Variants in CA10 observed in about 807,000 individuals in gnomAD.
CA10 encodes carbonic anhydrase 10 (inactive), also known as carbonic anhydrase-related protein 10.
In CA10, 14 loss-of-function variants were observed where a neutral mutation model predicts 44.2. The observed-to-expected ratio is 0.32, with a 90% CI of 0.21 to 0.50. The LOEUF is 0.50. Ranked by LOEUF, CA10 falls within the 20% of genes least tolerant of loss-of-function variation. The pLI is 0.99. For synonymous variants in CA10, 159 were observed against 141.6 expected (o/e 1.12, Z -0.87); for missense variants, 350 against 409.7 (o/e 0.85, Z 1.26).
chr17:52,038,772 T>A (rs1986688397), intron 2 of CA10, among the ~76,000 whole-genome samples: 2 of 152,174 alleles, frequency 1.3e-5, no homozygotes. Context: ...TCCTCCCTGC[T>A]CTACACTCTT....
intron 1 of CA10, among the ~76,000 whole-genome samples, chr17:52,112,533 G>A (rs1471009568): frequency 6.6e-6 from 1 of 152,132 alleles, no homozygotes; most frequent in Non-Finnish European, 1.5e-5. Context: ...GCTGACTCTT[G>A]CTCTACAGCC....
intron 2 of CA10, among the ~76,000 whole-genome samples, chr17:51,984,747 A>G (rs1984771132): frequency 6.6e-6 from 1 of 152,128 alleles, no homozygotes; most frequent in African/African-American, 2.4e-5. Flanking sequence ...ATGCACATAA[A>G]CTAGAAAACC....
At chr17:51,652,135 A>T (rs1913595387) in intron 5 of CA10, among the ~76,000 whole-genome samples, 1 of 152,212 alleles carries the variant, frequency 6.6e-6, no homozygotes, top group Admixed American at 6.5e-5. Context: ...CATGAGTATT[A>T]AAGTCAGGGA....
chr17:51,735,043 C>T (rs1446905360), intron 4 of CA10, among the ~76,000 whole-genome samples: 2 of 152,116 alleles, frequency 1.3e-5, no homozygotes, highest in Non-Finnish European at 2.9e-5. Context: ...TAGAAGGGCC[C>T]TTAACCCATC....
chr17:51,847,477 A>G (rs867307947), intron 3 of CA10, among the ~76,000 whole-genome samples: 8 of 152,194 alleles, frequency 5.3e-5, no homozygotes, highest in Middle Eastern at 6.8e-3. Context: ...AGTCTCCCCA[A>G]CTTTTTTCAA....
chr17:51,946,530 C>T (rs767222089), intron 2 of CA10, among the ~76,000 whole-genome samples: 1 of 152,140 alleles, frequency 6.6e-6, no homozygotes, highest in Non-Finnish European at 1.5e-5. Flanking sequence ...GGCTCCTCAT[C>T]TTGGCCTCTG....
intron 2 of CA10, among the ~76,000 whole-genome samples, chr17:52,037,354 T>A (rs924480491): frequency 1.3e-5 from 2 of 151,924 alleles, no homozygotes; most frequent in Admixed American, 6.6e-5. Flanking sequence ...GAGAATAATT[T>A]TAAGGAGGAG....
At chr17:51,990,556 G>T (rs1412775089) in intron 2 of CA10, among the ~76,000 whole-genome samples, 1 of 152,054 alleles carries the variant, frequency 6.6e-6, no homozygotes, top group Non-Finnish European at 1.5e-5. Context: ...ATAATTCTAA[G>T]TCCAAACAAC....
At position 51,734,966 on chromosome 17, in the gene CA10, A is replaced by G. The variant is rs559466129; in HGVS notation, c.465+12667T>C. Among the ~76,000 whole-genome samples the G allele has an allele frequency of 3.3e-5, 5 of 152,268 alleles. No homozygotes were observed. The South Asian group carries it at 8.3e-4, about 25-fold the overall frequency. ...CCATGGCGGAAGGCAAAAGGGAAAG[A>G]AGGAGGAGGCTTTTTCTCCTGGCAG... On this transcript the variant is annotated intron_variant, in intron 4 of 8. Transcript: ENST00000451037.
chr17:52,092,321 C>T (rs1357493141), intron 1 of CA10, among the ~76,000 whole-genome samples: 2 of 152,122 alleles, frequency 1.3e-5, no homozygotes, highest in Non-Finnish European at 2.9e-5. Flanking sequence ...TCAAGCCATT[C>T]AGCAATCCTA....
chr17:51,674,744 A>C (rs542850692), intron 4 of CA10, among the ~76,000 whole-genome samples: 1 of 152,288 alleles, frequency 6.6e-6, no homozygotes, highest in East Asian at 1.9e-4. Context: ...CAGTTCACTT[A>C]ACATTTTATC....
intron 4 of CA10, among the ~76,000 whole-genome samples, chr17:51,692,236 GT>G (rs34052168): frequency 0.49 from 62,929 of 128,004 alleles, 15,222 homozygotes; most frequent in Admixed American, 0.59. Flanking sequence ...TATTCTTAGG[GT>G]TTTTTTTTTT....
At chr17:52,130,460 C>T (rs541295707) in intron 1 of CA10, among the ~76,000 whole-genome samples, 1 of 152,276 alleles carries the variant, frequency 6.6e-6, no homozygotes, top group East Asian at 1.9e-4. Context: ...AAATAGAATA[C>T]TATCCAGCCT....
chr17:51,903,705 A>G (rs1981419185), intron 3 of CA10, among the ~76,000 whole-genome samples: 1 of 152,182 alleles, frequency 6.6e-6, no homozygotes, highest in Non-Finnish European at 1.5e-5. Context: ...GTGATGTGTC[A>G]AAACTTAATT....
intron 2 of CA10, among the ~76,000 whole-genome samples, chr17:52,006,642 A>G (rs1985608511): frequency 6.6e-6 from 1 of 151,884 alleles, no homozygotes; most frequent in Non-Finnish European, 1.5e-5. Context: ...TGAGTTTTAA[A>G]AAGTTTTACA....
intron 1 of CA10, among the ~76,000 whole-genome samples, chr17:52,140,089 G>C (rs1989444463): frequency 6.6e-6 from 1 of 152,158 alleles, no homozygotes; most frequent in African/African-American, 2.4e-5. Context: ...ACAAGGATTG[G>C]AGAGGGACTG....
At chr17:51,687,670 T>C (rs1274161228) in intron 4 of CA10, among the ~76,000 whole-genome samples, 2 of 152,212 alleles carry the variant, frequency 1.3e-5, no homozygotes, top group Non-Finnish European at 2.9e-5. Flanking sequence ...TTCTATCAAA[T>C]AGAAACAACT....
chr17:51,835,689 T>C (rs1379101879), intron 3 of CA10, among the ~76,000 whole-genome samples: 1 of 152,212 alleles, frequency 6.6e-6, no homozygotes, highest in Non-Finnish European at 1.5e-5. Flanking sequence ...TCCTAACAGT[T>C]ATTGAGTTTG....
chr17:52,105,946 G>A (rs1988652551), intron 1 of CA10, among the ~76,000 whole-genome samples: 1 of 152,156 alleles, frequency 6.6e-6, no homozygotes. Context: ...CATAGTAAAT[G>A]CTCAGTAAAT....
Sources: allele counts gnomAD v4.1 joint callset (sites outside exome capture counted in the v4.1 genomes callset), GRCh38; gene constraint gnomAD v4.1.1; transcripts MANE v1.5; gene names NCBI Gene and HGNC (gene_info 2026-07-23, HGNC 2026-07-21).